Variants in SMOC1 observed in about 807,000 individuals in gnomAD.
SMOC1 encodes the protein SPARC related modular calcium binding 1.
In SMOC1, 22 loss-of-function variants were observed where a neutral mutation model predicts 56.3. That is an observed-to-expected ratio of 0.39 (90% CI 0.28 to 0.56). The LOEUF (loss-of-function observed/expected upper bound fraction) is 0.56, where lower values mean the gene tolerates loss of function less well. SMOC1 is among the 20% of genes least tolerant of loss of function. The pLI is 0.61. For synonymous variants in SMOC1, 193 were observed against 215.0 expected, an observed-to-expected ratio of 0.90 and a Z score of 0.89; for missense variants, 509 against 565.4, an observed-to-expected ratio of 0.90 and a Z score of 1.01.
At chr14:69,938,654 G>A (rs1882417274) in intron 1 of SMOC1, among the ~76,000 whole-genome samples, 1 of 152,096 alleles carries the variant, frequency 6.6e-6, no homozygotes, top group Admixed American at 6.5e-5. Context: ...TTGGCTCATT[G>A]AAGGAGGGAC....
intron 1 of SMOC1, among the ~76,000 whole-genome samples, chr14:69,902,964 G>A (rs895041590): frequency 3.9e-5 from 6 of 152,080 alleles, no homozygotes; most frequent in African/African-American, 9.7e-5. Flanking sequence ...ATCTCGGCTC[G>A]CTGCAACCTC....
At chr14:69,966,415 A>G (rs1235272010) in intron 3 of SMOC1, among the ~76,000 whole-genome samples, 1 of 152,186 alleles carries the variant, frequency 6.6e-6, no homozygotes, top group South Asian at 2.1e-4. Flanking sequence ...ATTCTTCACC[A>G]TATAATTGGA....
intron 10 of SMOC1, among the ~76,000 whole-genome samples, chr14:70,016,298 C>T (rs548294751): frequency 7.2e-5 from 11 of 152,104 alleles, no homozygotes; most frequent in Non-Finnish European, 1.6e-4. Flanking sequence ...CTATTTTAAG[C>T]GTCATTTAGA....
intron 1 of SMOC1, among the ~76,000 whole-genome samples, chr14:69,923,857 A>G (rs929027811): frequency 3.5e-4 from 54 of 152,140 alleles, no homozygotes; most frequent in African/African-American, 1.2e-3. Flanking sequence ...CTAAGTAAAG[A>G]TGTGGTGCCT....
In SMOC1 at chr14:69,931,996, C is replaced by A. The variant is rs372507251; in HGVS notation, c.100-20142C>A. 4.6e-5 allele frequency among the ~76,000 whole-genome samples: 7 copies of A among 152,308 alleles called. No individual in the cohort carries two copies. The East Asian group carries it at 7.7e-4, about 17-fold the overall frequency. On this transcript the variant is annotated intron_variant, in intron 1 of 11. Transcript: ENST00000361956. ...CGCAGGGAGCGGGGCACTGACCTCA[C>A]CAGGGCCAAAGCCATGGAGCATCCG...
At chr14:69,928,638 T>C (rs1885081980) in intron 1 of SMOC1, among the ~76,000 whole-genome samples, 1 of 152,004 alleles carries the variant, frequency 6.6e-6, no homozygotes, top group Non-Finnish European at 1.5e-5. Context: ...CCTTTTCTGC[T>C]TCCCAGGACT....
chr14:69,968,422 T>G (rs1883647345), intron 3 of SMOC1, among the ~76,000 whole-genome samples: 1 of 152,140 alleles, frequency 6.6e-6, no homozygotes, highest in African/African-American at 2.4e-5. Context: ...GAGAGAGATG[T>G]TCTTGGGGGT....
chr14:70,023,582 C>A, intron 11 of SMOC1, 135 bp downstream of exon 11: 1 of 1,301,192 alleles, frequency 7.7e-7, no homozygotes. Flanking sequence ...TGCTATGCTT[C>A]ATGCTAGATG....
intron 7 of SMOC1, among the ~76,000 whole-genome samples, chr14:69,996,346 A>T (rs77439281): frequency 3.0e-4 from 46 of 152,210 alleles, no homozygotes; most frequent in Non-Finnish European, 2.1e-4. Context: ...TCTTGTCTCC[A>T]TCTTGCAGAT....
chr14:70,005,456 TC>T (rs1885118553), intron 7 of SMOC1, among the ~76,000 whole-genome samples: 1 of 152,120 alleles, frequency 6.6e-6, no homozygotes, highest in African/African-American at 2.4e-5. Context: ...ACCTCTTTTT[TC>T]CTCTCCTGTC....
chr14:69,984,728 G>A (rs10140517), intron 5 of SMOC1, among the ~76,000 whole-genome samples: 6,888 of 149,494 alleles, frequency 0.046, 362 homozygotes, highest in African/African-American at 0.13. Context: ...GGTGGCACGT[G>A]CCTGTAATCC....
chr14:69,977,973 G>T lies in SMOC1; in HGVS notation c.526+8G>T. On this transcript the variant is annotated splice_region_variant and intron_variant, in intron 5 of 11. Coordinates refer to ENST00000361956, the MANE Select transcript of SMOC1 (RefSeq NM_001034852.3). The stretch of plus-strand genomic sequence containing the variant: ...GTAACTCAGGAAGGAAAGGTGAGTG[G>T]AGTTTTATGCTTTATCTAAATGTTT... 6.2e-7 allele frequency: 1 copy of T among 1,612,068 alleles called. No homozygotes were observed. Among genetic ancestry groups the T allele is most frequent in the Non-Finnish European group, 8.5e-7 (1 of 1,178,146 alleles).
At chr14:69,955,465 T>C (rs1883149615) in intron 3 of SMOC1, among the ~76,000 whole-genome samples, 1 of 152,060 alleles carries the variant, frequency 6.6e-6, no homozygotes, top group African/African-American at 2.4e-5. Flanking sequence ...GTAATAATAA[T>C]TGTTATATAT....
intron 11 of SMOC1, 97 bp from the exon 12 acceptor site, chr14:70,030,145 C>G: frequency 6.4e-7 from 1 of 1,562,944 alleles, no homozygotes; most frequent in Non-Finnish European, 8.8e-7. Context: ...AATTGATGGA[C>G]ATAGCTGGAT....
intron 1 of SMOC1, among the ~76,000 whole-genome samples, chr14:69,935,353 C>T (rs1276118917): frequency 1.3e-5 from 2 of 152,204 alleles, no homozygotes; most frequent in Admixed American, 6.5e-5. Flanking sequence ...TCTTTTTCTG[C>T]TTTCCCTAGA....
intron 4 of SMOC1, 138 bp downstream of exon 4, chr14:69,975,952 T>C (rs1289005665): frequency 2.9e-6 from 2 of 691,448 alleles, no homozygotes; most frequent in Non-Finnish European, 5.2e-6. Context: ...GATTCTACTC[T>C]AACATGCTTG....
At chr14:70,004,684 A>G (rs532238166) in intron 7 of SMOC1, among the ~76,000 whole-genome samples, 2 of 152,278 alleles carry the variant, frequency 1.3e-5, no homozygotes, top group East Asian at 3.9e-4. Context: ...TCCTTAAAAT[A>G]TCACTCTCTC....
chr14:69,976,913 T>G (rs1300281604), intron 4 of SMOC1, among the ~76,000 whole-genome samples: 1 of 152,216 alleles, frequency 6.6e-6, no homozygotes, highest in East Asian at 1.9e-4. Flanking sequence ...GCTATAAGAA[T>G]CTACATCAGG....
Position 70,021,015 on chromosome 14 carries a change from G to A in SMOC1, c.1047-2188G>A, listed in dbSNP as rs141395560. Among the ~76,000 whole-genome samples the A allele has an allele frequency of 2.6e-4, 39 of 152,282 alleles. No homozygotes were observed. The East Asian group carries it at 7.4e-3, about 29-fold the overall frequency. On this transcript the variant is annotated intron_variant, in intron 10 of 11. Coordinates refer to ENST00000361956, the MANE Select transcript of SMOC1 (RefSeq NM_001034852.3). ...GGGTGGGATGACCTCATCCCTTCCC[G>A]TCTCAGTGACTGAGGCTTTATTATT...
Sources: allele counts gnomAD v4.1 joint callset (sites outside exome capture counted in the v4.1 genomes callset), GRCh38; gene constraint gnomAD v4.1.1; transcripts MANE v1.5; gene names NCBI Gene and HGNC (gene_info 2026-07-23, HGNC 2026-07-21).